TMPO: variants seen among roughly 807,000 people sequenced by gnomAD.
TMPO encodes the protein LEM domain containing 4.
TMPO carries 22 observed loss-of-function variants against 45.4 expected under a neutral mutation model. The observed-to-expected ratio is 0.48, with a 90% CI of 0.35 to 0.69. The LOEUF is 0.69. TMPO is among the 30% of genes least tolerant of loss of function. TMPO has a pLI of 0.01. For missense variants in TMPO, 512 were observed against 548.8 expected (o/e 0.93, Z 0.67); for synonymous variants, 241 against 204.1 (o/e 1.18, Z -1.54).
chr12:98,539,150 A>C (rs936217597), intron 4 of TMPO, among the ~76,000 whole-genome samples: 2 of 152,096 alleles, frequency 1.3e-5, no homozygotes, highest in African/African-American at 4.8e-5. Context: ...CTGTGAGCCG[A>C]GATCGCGCCA....
Position 98,515,641 on chromosome 12 carries a change from A to T in TMPO, c.-227A>T, listed in dbSNP as rs1875716579. ...TAGTGTGTGGGCTGGGGTTGGTGCG[A>T]GCTTCCAGCTTGGCCGCAGTTGGTT... On this transcript the variant is annotated 5_prime_UTR_variant, in exon 1 of 9. Transcript: ENST00000556029. 1.2e-6 allele frequency: 1 copy of T among 811,992 alleles called. No individual in the cohort carries two copies. Among genetic ancestry groups the T allele is most frequent in the East Asian group, 2.7e-5 (1 of 36,914 alleles). The allele number at this position is 811,992 out of a possible 1,614,324, so 50.3% of individuals were successfully genotyped here. A position where few individuals can be genotyped will look rare whatever the true frequency, so the allele number is the denominator to read the frequency against.
intron 1 of TMPO, among the ~76,000 whole-genome samples, chr12:98,520,914 A>G (rs1163724711): frequency 6.6e-6 from 1 of 151,982 alleles, no homozygotes; most frequent in Non-Finnish European, 1.5e-5. Context: ...TCTTCTGCAT[A>G]ATGGAGTGGT....
chr12:98,538,062 G>T (rs1004447975), intron 4 of TMPO, among the ~76,000 whole-genome samples: 2 of 152,112 alleles, frequency 1.3e-5, no homozygotes, highest in African/African-American at 4.8e-5. Context: ...CTTTTCTATT[G>T]TGGGAGAGGC....
At chr12:98,546,476 G>C (rs1046081588) in intron 8 of TMPO, 29 bp downstream of exon 8, 1 of 1,362,632 alleles carries the variant, frequency 7.3e-7, no homozygotes, top group Admixed American at 1.7e-5. Context: ...ACAAGTACTA[G>C]TGTATTCTAG....
chr12:98,544,729 C>T, intron 6 of TMPO, 192 bp downstream of exon 6: 4 of 645,872 alleles, frequency 6.2e-6, no homozygotes, highest in Non-Finnish European at 1.1e-5. Context: ...GTAAAGAAAT[C>T]TAATTCATTG....
intron 4 of TMPO, among the ~76,000 whole-genome samples, chr12:98,543,743 A>G (rs1406851928): frequency 6.6e-6 from 1 of 152,246 alleles, no homozygotes; most frequent in African/African-American, 2.4e-5. Flanking sequence ...TGGGATTATA[A>G]TTTAAACTGA....
At chr12:98,518,677 G>C (rs1420446) in intron 1 of TMPO, among the ~76,000 whole-genome samples, 8,362 of 151,740 alleles carry the variant, frequency 0.055, 494 homozygotes, top group African/African-American at 0.15. Flanking sequence ...CATCTACCTT[G>C]TGTTCTTTTG....
chr12:98,536,549 T>G (rs969774726), intron 3 of TMPO, among the ~76,000 whole-genome samples: 1 of 152,238 alleles, frequency 6.6e-6, no homozygotes, highest in African/African-American at 2.4e-5. Context: ...AGACGGGGTT[T>G]CACCATGTTG....
chr12:98,545,130 T>TG, intron 7 of TMPO, 69 bp downstream of exon 7: 1 of 386,044 alleles, frequency 2.6e-6, no homozygotes. Context: ...TATTTGTTTG[T>TG]TTTTTTTTTT....
intron 4 of TMPO, among the ~76,000 whole-genome samples, chr12:98,538,187 T>C (rs899039032): frequency 6.6e-6 from 1 of 152,242 alleles, no homozygotes; most frequent in African/African-American, 2.4e-5. Flanking sequence ...GAACAAATTA[T>C]TGACTAACCT....
chr12:98,533,230 ATAG>A (rs749197873), intron 3 of TMPO: 2 of 1,614,012 alleles, frequency 1.2e-6, no homozygotes, highest in Admixed American at 3.3e-5. Flanking sequence ...CTATAAAGAC[ATAG>A]TAGAAAATAT....
At chr12:98,518,470 C>CTTTTTTTTTTTTTT (rs11437786) in intron 1 of TMPO, among the ~76,000 whole-genome samples, 12 of 83,516 alleles carry the variant, frequency 1.4e-4, no homozygotes, top group African/African-American at 2.0e-4. Flanking sequence ...ATTTTCTAAT[C>CTTTTTTTTTTTTTT]TTTTTTTTTT....
At chr12:98,525,808 A>G (rs1441884942) in intron 1 of TMPO, among the ~76,000 whole-genome samples, 3 of 152,208 alleles carry the variant, frequency 2.0e-5, no homozygotes, top group Admixed American at 2.0e-4. Context: ...ATTGTTAAAA[A>G]CAGTAATTCC....
At chr12:98,527,853 C>A (rs1876895401) in intron 1 of TMPO, 33 bp from the exon 2 acceptor site, 2 of 1,611,200 alleles carry the variant, frequency 1.2e-6, no homozygotes, top group African/African-American at 2.7e-5. Context: ...CACTTTAATT[C>A]ATATGGAAAT....
At chr12:98,517,484 C>G (rs143111062) in intron 1 of TMPO, among the ~76,000 whole-genome samples, 7 of 152,218 alleles carry the variant, frequency 4.6e-5, no homozygotes, top group African/African-American at 1.7e-4. Context: ...GGAATGATCA[C>G]TAGTTTAAAC....
intron 1 of TMPO, chr12:98,516,641 C>T (rs1004087356): frequency 1.3e-6 from 1 of 742,150 alleles, no homozygotes; most frequent in Admixed American, 6.2e-5. Flanking sequence ...GAGGAAATTC[C>T]CGCCTTTTTA....
chr12:98,544,123 T>C, intron 4 of TMPO, 107 bp from the exon 5 acceptor site: 12 of 1,240,774 alleles, frequency 9.7e-6, no homozygotes, highest in Non-Finnish European at 1.4e-5. Context: ...TTGTAAATGC[T>C]GGCATTTGGA....
At chr12:98,523,810 G>C (rs576654828) in intron 1 of TMPO, among the ~76,000 whole-genome samples, 2 of 152,238 alleles carry the variant, frequency 1.3e-5, no homozygotes, top group Admixed American at 1.3e-4. Context: ...CGAGTAGCTA[G>C]GACTATAGGC....
intron 8 of TMPO, among the ~76,000 whole-genome samples, chr12:98,547,115 G>A (rs1033056597): frequency 1.4e-5 from 2 of 141,242 alleles, no homozygotes; most frequent in African/African-American, 5.3e-5. Context: ...TTGCTCTGTT[G>A]CCCAGGCTGG....
Sources: gnomAD v4.1 joint callset for allele counts (sites outside exome capture counted in the v4.1 genomes callset) on GRCh38, gnomAD v4.1.1 for gene constraint, MANE v1.5 for transcripts, NCBI Gene and HGNC (gene_info 2026-07-23, HGNC 2026-07-21) for gene names.